Variants in ZNF221 observed in about 807,000 individuals in gnomAD.
ZNF221 encodes zinc finger protein 221.
A neutral mutation model predicts 12.6 loss-of-function variants in ZNF221; 10 were observed. The ratio of observed to expected loss-of-function variants is 0.79; its 90% CI spans 0.49 to 1.34. ZNF221 has a LOEUF of 1.34. ZNF221 is among the 40% of genes most tolerant of loss of function. The pLI is 0.00. For synonymous variants in ZNF221, 232 were observed against 244.0 expected, an observed-to-expected ratio of 0.95 and a Z score of 0.46; for missense variants, 661 against 721.4, an observed-to-expected ratio of 0.92 and a Z score of 0.96.
the ZNF221 span, among the ~76,000 whole-genome samples, chr19:43,973,325 T>G: frequency 6.6e-6 from 1 of 152,138 alleles, no homozygotes; most frequent in Non-Finnish European, 1.5e-5. Flanking sequence ...ATCATTCCCC[T>G]TGAAAACTGG....
At chr19:43,972,229 A>C (rs1288811959), downstream of ZNF221, among the ~76,000 whole-genome samples, 2 of 152,212 alleles carry the variant, frequency 1.3e-5, no homozygotes, top group African/African-American at 2.4e-5. Flanking sequence ...ATTTGAAACT[A>C]ATAAGAATAA....
intron 1 of ZNF221, among the ~76,000 whole-genome samples, chr19:43,957,537 A>AC (rs1974777057): frequency 6.6e-6 from 1 of 152,196 alleles, no homozygotes; most frequent in Admixed American, 6.5e-5. Flanking sequence ...ACTTAATTTA[A>AC]CATAATGATC....
chr19:43,974,274 C>T, the ZNF221 span, among the ~76,000 whole-genome samples: 1 of 152,018 alleles, frequency 6.6e-6, no homozygotes, highest in Non-Finnish European at 1.5e-5. Context: ...ACTTATGAAA[C>T]CCAAAACTAT....
At chr19:43,968,790 C>G (rs1975032692), downstream of ZNF221, among the ~76,000 whole-genome samples, 1 of 152,196 alleles carries the variant, frequency 6.6e-6, no homozygotes, top group Non-Finnish European at 1.5e-5. Context: ...CAAAGGAAAC[C>G]TCACCCCCAC....
chr19:43,980,435 A>C, the ZNF221 span, among the ~76,000 whole-genome samples: 1 of 152,244 alleles, frequency 6.6e-6, no homozygotes, highest in Non-Finnish European at 1.5e-5. Flanking sequence ...AAGGCCCTAC[A>C]GCCATTAACC....
At chr19:43,958,528 A>G (rs2284242) in intron 1 of ZNF221, among the ~76,000 whole-genome samples, 15,374 of 152,240 alleles carry the variant, frequency 0.1, 914 homozygotes, top group East Asian at 0.14. Context: ...CCTTGGGAAC[A>G]ATCTGTTAAC....
intron 1 of ZNF221, among the ~76,000 whole-genome samples, chr19:43,957,838 C>T (rs1974780516): frequency 1.3e-5 from 2 of 152,292 alleles, no homozygotes; most frequent in East Asian, 3.9e-4. Flanking sequence ...CAATACTGAG[C>T]CACAAACAAA....
At chr19:43,955,966 A>G (rs2147332754) in intron 1 of ZNF221, among the ~76,000 whole-genome samples, 1 of 152,318 alleles carries the variant, frequency 6.6e-6, no homozygotes, top group East Asian at 1.9e-4. Flanking sequence ...TTTTCCTAAC[A>G]TTACCTAAGA....
downstream of ZNF221, chr19:43,968,009 T>C (rs73567700): frequency 0.028 from 4,346 of 152,742 alleles, 151 homozygotes; most frequent in African/African-American, 0.084. Flanking sequence ...TAAGGTGATA[T>C]CTGTGATAGT....
intron 2 of ZNF221, among the ~76,000 whole-genome samples, chr19:43,963,049 A>G (rs374655568): frequency 7.9e-5 from 12 of 152,182 alleles, no homozygotes; most frequent in African/African-American, 2.4e-4. Flanking sequence ...TCACTTCACT[A>G]CTTCTCTGCT....
At chr19:43,975,061 G>A in the ZNF221 span, among the ~76,000 whole-genome samples, 1,384 of 152,046 alleles carry the variant, frequency 9.1e-3, 28 homozygotes, top group African/African-American at 0.031. Flanking sequence ...TGTTGGTGAA[G>A]TTGGGGAGAA....
At position 43,966,476 on chromosome 19, in the gene ZNF221, T is replaced by G; in HGVS notation, c.974T>G (p.Leu325Arg). The G allele has an allele frequency of 5.0e-6, 8 of 1,614,212 alleles. No homozygotes were observed. Among genetic ancestry groups the G allele is most frequent in the Non-Finnish European group, 6.8e-6 (8 of 1,180,052 alleles). ...CGKSFRVRSRLNRHSMVHTGE... is the reference protein window; with the variant it reads ...CGKSFRVRSRRNRHSMVHTGE... ...AAGAGCTTCCGTGTTAGATCAAGAC[T>G]TAATAGGCATTCCATGGTTCACACA... Residue 325 changes from leucine to arginine, a missense_variant, in exon 5 of 5, where the codon CTT becomes CGT. Physicochemically the swap from Leu to Arg is moderately radical, Grantham distance 102 (BLOSUM62 -2). Transcript: ENST00000587682.
intron 1 of ZNF221, chr19:43,961,873 C>T (rs992688652): frequency 2.0e-5 from 3 of 152,218 alleles, no homozygotes; most frequent in Non-Finnish European, 4.4e-5. Context: ...GTTGAAGTGT[C>T]ATAACAGGGG....
chr19:43,959,688 T>C (rs1974812941), intron 1 of ZNF221, among the ~76,000 whole-genome samples: 1 of 152,174 alleles, frequency 6.6e-6, no homozygotes, highest in African/African-American at 2.4e-5. Context: ...GAGTGAAAGC[T>C]CCCTGAGGCC....
chr19:43,975,484 A>C, the ZNF221 span, among the ~76,000 whole-genome samples: 1 of 152,218 alleles, frequency 6.6e-6, no homozygotes, highest in Non-Finnish European at 1.5e-5. Context: ...TGGGAGCTGA[A>C]TGATGAGAAC....
intron 2 of ZNF221, among the ~76,000 whole-genome samples, chr19:43,963,485 G>C (rs1974884066): frequency 6.6e-6 from 1 of 152,186 alleles, no homozygotes; most frequent in African/African-American, 2.4e-5. Flanking sequence ...GGAAGAGCTA[G>C]ATTCTGTGTT....
At chr19:43,955,449 G>C (rs1599812804) in intron 1 of ZNF221, among the ~76,000 whole-genome samples, 1 of 152,196 alleles carries the variant, frequency 6.6e-6, no homozygotes, top group East Asian at 1.9e-4. Flanking sequence ...GGGAGCACAT[G>C]GGGATATCTG....
Position 43,966,942 on chromosome 19 carries a change from T to C in ZNF221, c.1440T>C (p.Cys480=), listed in dbSNP as rs748037852. Residue 480 remains cysteine (C), a synonymous_variant, in exon 5 of 5, where the codon TGT becomes TGC. Coordinates refer to ENST00000587682, the MANE Select transcript of ZNF221 (RefSeq NM_001297588.2). ...RVHTGERPYN[C]KECGKSFGWA... is the part of the protein sequence containing the mutation. ...ACACGGGTGAGAGACCCTATAATTGTAAGGAATGTGGCAAGAGCTTTGGCT... is the reference window on the plus strand; with the variant it reads ...ACACGGGTGAGAGACCCTATAATTGCAAGGAATGTGGCAAGAGCTTTGGCT... 6.2e-7 allele frequency: 1 copy of C among 1,614,200 alleles called. No homozygotes were observed. The highest frequency in any genetic ancestry group is 8.5e-7 in the Non-Finnish European group (1 of 1,180,028).
In ZNF221 at chr19:43,951,849, C is replaced by CTTT. The variant is rs758081943; in HGVS notation, c.-3+489_-3+491dup. Reference sequence around the variant, plus strand: ...GAAAATTCTGGACAGTCTTTGACCTCTTTTTTTTTTTTTTTTTTTTTTTTT... The same window carrying CTTT: ...GAAAATTCTGGACAGTCTTTGACCTCTTTTTTTTTTTTTTTTTTTTTTTTTTTT... On this transcript the variant is annotated intron_variant, in intron 1 of 4. Transcript: ENST00000587682. 4.3e-4 allele frequency among the ~76,000 whole-genome samples: 27 copies of CTTT among 62,596 alleles called. 2 individuals carry two copies. The highest frequency in any genetic ancestry group is 1.1e-3 in the African/African-American group (17 of 15,102). 41.1% of individuals were successfully genotyped at this position (62,596 alleles called of 152,430 possible).
Sources: allele counts gnomAD v4.1 joint callset (sites outside exome capture counted in the v4.1 genomes callset), GRCh38; gene constraint gnomAD v4.1.1; transcripts MANE v1.5; gene names NCBI Gene and HGNC (gene_info 2026-07-23, HGNC 2026-07-21).